COX7B2: variants seen among roughly 807,000 people sequenced by gnomAD.
COX7B2 encodes cytochrome c oxidase subunit 7B2, mitochondrial.
For missense variants in COX7B2, 109 were observed against 95.9 expected (o/e 1.14, Z -0.57); for synonymous variants, 37 against 32.1 (o/e 1.15, Z -0.51).
chr4:46,790,494 G>C (rs963998156), intron 2 of COX7B2, among the ~76,000 whole-genome samples: 1 of 152,040 alleles, frequency 6.6e-6, no homozygotes, highest in Non-Finnish European at 1.5e-5. Flanking sequence ...TTATTGCTGG[G>C]CTTATCTTAT....
At chr4:46,851,902 C>A (rs2109780749) in intron 1 of COX7B2, among the ~76,000 whole-genome samples, 1 of 152,150 alleles carries the variant, frequency 6.6e-6, no homozygotes, top group South Asian at 2.1e-4. Context: ...TGATGTTTAC[C>A]TTGATGATTT....
chr4:46,811,969 C>A (rs751669194), intron 2 of COX7B2, among the ~76,000 whole-genome samples: 3 of 152,154 alleles, frequency 2.0e-5, no homozygotes, highest in Non-Finnish European at 4.4e-5. Context: ...GTTATTAGGG[C>A]AAAGGCTTTA....
At chr4:46,817,402 C>T (rs572769661) in intron 2 of COX7B2, among the ~76,000 whole-genome samples, 6 of 152,198 alleles carry the variant, frequency 3.9e-5, no homozygotes, top group South Asian at 4.1e-4. Flanking sequence ...ATAGAAAAGC[C>T]GGGGTACACA....
chr4:46,786,285 A>AT (rs1717749660), intron 2 of COX7B2, among the ~76,000 whole-genome samples: 1 of 152,202 alleles, frequency 6.6e-6, no homozygotes, highest in African/African-American at 2.4e-5. Context: ...CAAAATTCTG[A>AT]TGATACTCAT....
At chr4:46,754,752 A>ATAT (rs1715672757) in intron 2 of COX7B2, among the ~76,000 whole-genome samples, 1 of 133,168 alleles carries the variant, frequency 7.5e-6, no homozygotes, top group African/African-American at 2.8e-5. Context: ...ATATATATGA[A>ATAT]AGAAATCCAG....
At chr4:46,815,768 A>T (rs1396622634) in intron 2 of COX7B2, among the ~76,000 whole-genome samples, 2 of 152,192 alleles carry the variant, frequency 1.3e-5, no homozygotes, top group Non-Finnish European at 2.9e-5. Context: ...AAGGATTCTT[A>T]TGATATCAGG....
intron 2 of COX7B2, among the ~76,000 whole-genome samples, chr4:46,812,806 ATG>A (rs1256052787): frequency 1.3e-5 from 2 of 152,126 alleles, no homozygotes; most frequent in East Asian, 3.9e-4. Flanking sequence ...GTGCAGCTAC[ATG>A]GGTCAGCAGA....
intron 2 of COX7B2, among the ~76,000 whole-genome samples, chr4:46,798,421 G>A (rs571656656): frequency 6.6e-6 from 1 of 152,320 alleles, no homozygotes; most frequent in Admixed American, 6.5e-5. Context: ...ACAGGTTCAG[G>A]TGGCTGTGCA....
At chr4:46,788,646 C>A (rs1717878111) in intron 2 of COX7B2, among the ~76,000 whole-genome samples, 1 of 152,028 alleles carries the variant, frequency 6.6e-6, no homozygotes, top group African/African-American at 2.4e-5. Context: ...ATGTATATCT[C>A]CACATATAGA....
chr4:46,857,025 A>G (rs1284592771), intron 1 of COX7B2, among the ~76,000 whole-genome samples: 2 of 152,190 alleles, frequency 1.3e-5, no homozygotes, highest in Non-Finnish European at 2.9e-5. Context: ...GATGTAAAAA[A>G]CTAAAAACTT....
intron 1 of COX7B2, among the ~76,000 whole-genome samples, chr4:46,897,806 C>T (rs1245754637): frequency 2.0e-5 from 3 of 152,214 alleles, no homozygotes; most frequent in Non-Finnish European, 4.4e-5. Context: ...CACCTCACCC[C>T]TACCCTGGGT....
At chr4:46,864,604 G>A (rs1042689321) in intron 1 of COX7B2, among the ~76,000 whole-genome samples, 1 of 151,970 alleles carries the variant, frequency 6.6e-6, no homozygotes, top group Admixed American at 6.6e-5. Context: ...TTCTTATCAG[G>A]CCAGTCAGCC....
chr4:46,793,660 C>G (rs960903065), intron 2 of COX7B2, among the ~76,000 whole-genome samples: 1 of 152,084 alleles, frequency 6.6e-6, no homozygotes, highest in African/African-American at 2.4e-5. Context: ...TGAAGGAGAC[C>G]CTTAGCTCCT....
At chr4:46,785,725 TG>T (rs1288771638) in intron 2 of COX7B2, among the ~76,000 whole-genome samples, 2 of 152,014 alleles carry the variant, frequency 1.3e-5, no homozygotes, top group East Asian at 3.9e-4. Context: ...AAAGAAAGCC[TG>T]GGTGGACAGG....
At chr4:46,783,942 C>A (rs1577700853) in intron 2 of COX7B2, among the ~76,000 whole-genome samples, 1 of 152,146 alleles carries the variant, frequency 6.6e-6, no homozygotes, top group African/African-American at 2.4e-5. Context: ...TCTACTAAGG[C>A]GAGTCCTGTC....
At chr4:46,739,414 A>G (rs1714570503) in intron 2 of COX7B2, among the ~76,000 whole-genome samples, 1 of 152,058 alleles carries the variant, frequency 6.6e-6, no homozygotes, top group Non-Finnish European at 1.5e-5. Flanking sequence ...AATGGTTCAC[A>G]GTACTTTGCT....
At chr4:46,832,945 G>A (rs1214843653) in intron 2 of COX7B2, among the ~76,000 whole-genome samples, 1 of 150,876 alleles carries the variant, frequency 6.6e-6, no homozygotes, top group African/African-American at 2.4e-5. Context: ...CGCTCTTGTT[G>A]CCCAGGCTGG....
At position 46,873,060 on chromosome 4, in the gene COX7B2, A is replaced by G. The variant is rs866995786; in HGVS notation, c.-104-28046T>C. On this transcript the variant is annotated intron_variant, in intron 1 of 2. Coordinates refer to ENST00000355591, the MANE Select transcript of COX7B2 (RefSeq NM_130902.3). ...ATTGTTCAACTCCCACTTATGAGTG[A>G]GAACATGCAGTGTTTGGTTTTCTGT... Among the ~76,000 whole-genome samples, 38 of 142,582 alleles carry G rather than the reference A, an allele frequency of 2.7e-4. No individual in the cohort carries two copies. In the Middle Eastern group the frequency reaches 0.023, roughly 85 times the overall value. 93.5% of individuals were successfully genotyped at this position (142,582 alleles called of 152,430 possible).
At chr4:46,869,279 G>A (rs928493650) in intron 1 of COX7B2, among the ~76,000 whole-genome samples, 6 of 151,996 alleles carry the variant, frequency 3.9e-5, no homozygotes, top group Non-Finnish European at 7.4e-5. Context: ...ATGTGAGATC[G>A]GTGTCATGAT....
Sources: gnomAD v4.1 joint callset for allele counts (sites outside exome capture counted in the v4.1 genomes callset) on GRCh38, gnomAD v4.1.1 for gene constraint, MANE v1.5 for transcripts, NCBI Gene and HGNC (gene_info 2026-07-23, HGNC 2026-07-21) for gene names.